CD83: variants seen among roughly 807,000 people sequenced by gnomAD.
The protein encoded by CD83 is CD83 antigen.
Under a neutral mutation model 24.6 loss-of-function variants are expected in CD83, and 22 were observed. That is an observed-to-expected ratio of 0.90 (90% confidence interval 0.64 to 1.28). The LOEUF is 1.28. Ranked by LOEUF, CD83 falls within the 50% of genes most tolerant of loss-of-function variation. The pLI, the probability that CD83 is intolerant of heterozygous loss-of-function variation, is 0.00. For synonymous variants in CD83, 101 were observed against 103.5 expected, an observed-to-expected ratio of 0.98 and a Z score of 0.14; for missense variants, 253 against 252.8, an observed-to-expected ratio of 1.00 and a Z score of -0.01.
intron 2 of CD83, among the ~76,000 whole-genome samples, chr6:14,126,221 C>G (rs1759808015): frequency 1.3e-5 from 2 of 152,118 alleles, no homozygotes; most frequent in African/African-American, 4.8e-5. Flanking sequence ...TCAGTAAATA[C>G]TTTTTCAATA....
rs921221961 is a variant in CD83 at position 14,135,550 on chromosome 6, A to T, written c.*314A>T. On this transcript the variant is annotated 3_prime_UTR_variant, in exon 5 of 5. Coordinates refer to ENST00000379153, the MANE Select transcript of CD83 (RefSeq NM_004233.4). The stretch of plus-strand genomic sequence containing the variant: ...AGCTATGGTGAGATGCAGCTGGAAA[A>T]GGGTCTTGGGAAATATGAATGCCCC... 9.3e-5 allele frequency: 24 copies of T among 259,232 alleles called. No homozygotes were observed. Among genetic ancestry groups the T allele is most frequent in the Non-Finnish European group, 1.8e-4 (24 of 134,562 alleles). 16.1% of individuals were successfully genotyped at this position (259,232 alleles called of 1,614,324 possible).
intron 2 of CD83, among the ~76,000 whole-genome samples, chr6:14,124,812 C>T (rs1233741627): frequency 1.3e-5 from 2 of 152,122 alleles, no homozygotes; most frequent in African/African-American, 2.4e-5. Flanking sequence ...TGTGCCCCCC[C>T]CAAAAGATCA....
intron 2 of CD83, among the ~76,000 whole-genome samples, chr6:14,119,336 A>C (rs1297499844): frequency 6.6e-6 from 1 of 152,236 alleles, no homozygotes; most frequent in African/African-American, 2.4e-5. Flanking sequence ...GGGATCAGAG[A>C]ACACAACAAT....
chr6:14,136,872 C>G lies in CD83; in HGVS notation c.*1636C>G, dbSNP rs1030504515. 6.6e-6 allele frequency: 1 copy of G among 151,782 alleles called. No homozygotes were observed. The highest frequency in any genetic ancestry group is 2.4e-5 in the African/African-American group (1 of 41,272). 9.4% of individuals were successfully genotyped at this position (151,782 alleles called of 1,614,324 possible). ...GAAAGTTAAAAATAAAAAACATATA[C>G]AAATAAAAAAATCCCGACTTTGGGA... On this transcript the variant is annotated 3_prime_UTR_variant, in exon 5 of 5. Coordinates refer to ENST00000379153, the MANE Select transcript of CD83 (RefSeq NM_004233.4).
At chr6:14,120,470 A>G (rs1173003599) in intron 2 of CD83, among the ~76,000 whole-genome samples, 1 of 152,210 alleles carries the variant, frequency 6.6e-6, no homozygotes, top group Non-Finnish European at 1.5e-5. Context: ...GGGTAGCCAC[A>G]AAGGGAGGAA....
rs1759576337 is a variant in CD83, at chr6:14,117,979, G to A, written c.67G>A (p.Val23Met). 6.2e-7 allele frequency: 1 copy of A among 1,610,850 alleles called. No individual in the cohort carries two copies. The highest frequency in any genetic ancestry group is 1.3e-5 in the African/African-American group (1 of 74,930). Residue 23 changes from valine to methionine, a missense_variant, in exon 2 of 5, where the codon GTG (valine) becomes ATG (methionine). Val to Met is a conservative substitution (Grantham distance 21). Coordinates refer to ENST00000379153, the MANE Select transcript of CD83 (RefSeq NM_004233.4). The surrounding 1 kb of genome is among the most constrained non-coding windows in gnomAD (Gnocchi z 4.6). Reference sequence around the variant, plus strand: ...CAGCCTGGCTCCCGCGACGCCGGAGGTGAAGGTGGCTTGCTCCGAAGATGT... The same window carrying A: ...CAGCCTGGCTCCCGCGACGCCGGAGATGAAGGTGGCTTGCTCCGAAGATGT... ...AYSLAPATPE[V>M]KVACSEDVDL...
intron 2 of CD83, among the ~76,000 whole-genome samples, chr6:14,126,932 C>T (rs1243736671): frequency 6.6e-6 from 1 of 150,544 alleles, no homozygotes; most frequent in Non-Finnish European, 1.5e-5. Context: ...AATTTTTATA[C>T]TGTTTTTTTT....
intron 2 of CD83, among the ~76,000 whole-genome samples, chr6:14,121,367 A>G (rs962397910): frequency 6.6e-6 from 1 of 151,710 alleles, no homozygotes; most frequent in Non-Finnish European, 1.5e-5. Flanking sequence ...TGTAGGGACA[A>G]GATTTCAATA....
chr6:14,130,530 G>T (rs995328512), intron 2 of CD83, among the ~76,000 whole-genome samples: 9 of 152,156 alleles, frequency 5.9e-5, no homozygotes, highest in Non-Finnish European at 1.2e-4. Context: ...TTCAAGACCA[G>T]CTTGGGCAAC....
chr6:14,130,997 C>T (rs1757881867), intron 2 of CD83, among the ~76,000 whole-genome samples: 2 of 152,334 alleles, frequency 1.3e-5, no homozygotes, highest in South Asian at 2.1e-4. Flanking sequence ...CCTTGAGGAA[C>T]AAGGTGACTG....
chr6:14,118,080 A>T lies in CD83; in HGVS notation c.153+15A>T, dbSNP rs138051430. On this transcript the variant is annotated intron_variant, in intron 2 of 4. Transcript: ENST00000379153. ...CCTGGGTCAAGGTAGGTGCTGCGATACCCACGGGCTGGGGTTTGGTGGGCT... is the reference window on the plus strand; with the variant it reads ...CCTGGGTCAAGGTAGGTGCTGCGATTCCCACGGGCTGGGGTTTGGTGGGCT... The T allele has an allele frequency of 6.4e-7, 1 of 1,573,638 alleles. No individual in the cohort carries two copies. Among genetic ancestry groups the T allele is most frequent in the Non-Finnish European group, 8.7e-7 (1 of 1,154,316 alleles).
At position 14,131,633 on chromosome 6, in the gene CD83, C is replaced by T. The variant is rs775185257; in HGVS notation, c.267C>T (p.Pro89=). ...NGSFDAPNER[P]YSLKIRNTTS... is the part of the protein sequence containing the mutation. ...CTTTCGACGCCCCCAATGAAAGGCC[C>T]TATTCCCTGAAGATCCGAAACACTA... Residue 89 remains proline, a synonymous_variant, in exon 3 of 5, where the codon CCC becomes CCT. Coordinates refer to ENST00000379153, the MANE Select transcript of CD83 (RefSeq NM_004233.4). 69 of 1,613,994 alleles carry T rather than the reference C, an allele frequency of 4.3e-5. 1 individual carries two copies. Among genetic ancestry groups the T allele is most frequent in the Non-Finnish European group, 5.0e-5 (59 of 1,180,018 alleles).
chr6:14,130,530 G>C (rs995328512), intron 2 of CD83, among the ~76,000 whole-genome samples: 2 of 152,156 alleles, frequency 1.3e-5, no homozygotes, highest in Non-Finnish European at 2.9e-5. Context: ...TTCAAGACCA[G>C]CTTGGGCAAC....
chr6:14,135,070 C>G, intron 4 of CD83, 38 bp from the exon 5 acceptor site: 2 of 1,607,614 alleles, frequency 1.2e-6, no homozygotes, highest in Non-Finnish European at 1.7e-6. Context: ...CTGAATTTTT[C>G]CAATTATTCA....
At position 14,136,142 on chromosome 6, in the gene CD83, A is replaced by G. The variant is rs3734665; in HGVS notation, c.*906A>G. 0.19 allele frequency: 28,198 copies of G among 152,252 alleles called. 3,295 individuals carry two copies. The highest frequency in any genetic ancestry group is 0.48 in the East Asian group (2,496 of 5,166). 9.4% of individuals were successfully genotyped at this position (152,252 alleles called of 1,614,324 possible). On this transcript the variant is annotated 3_prime_UTR_variant, in exon 5 of 5. Transcript: ENST00000379153. ...GTTCCTTCTGGTGTCTGCTTTCTCC[A>G]TTGTAAACCACAAGGCTGTTGCATG...
chr6:14,131,562 G>T lies in CD83; in HGVS notation c.196G>T (p.Asp66Tyr), dbSNP rs758225891. The T allele has an allele frequency of 1.1e-5, 18 of 1,614,032 alleles. No individual in the cohort carries two copies. Among genetic ancestry groups the T allele is most frequent in the Middle Eastern group, 1.6e-4 (1 of 6,084 alleles). ...AGAGAGGATGGAGACACCCCAGGAA[G>T]ACCACCTCAGGGGACAGCACTATCA... is the stretch of plus-strand genomic sequence containing the variant. ...GEERMETPQE[D>Y]HLRGQHYHQK... Residue 66 changes from aspartate (D) to tyrosine (Y), a missense_variant, in exon 3 of 5, where the codon GAC (aspartate) becomes TAC (tyrosine). Asp to Tyr is a radical substitution (Grantham distance 160). Coordinates refer to ENST00000379153, the MANE Select transcript of CD83 (RefSeq NM_004233.4).
intron 3 of CD83, among the ~76,000 whole-genome samples, chr6:14,132,252 C>T (rs529398130): frequency 5.5e-4 from 83 of 152,246 alleles, no homozygotes; most frequent in African/African-American, 1.8e-3. Context: ...TGTCTGTCTC[C>T]CCAAGAGAAC....
At chr6:14,126,970 TC>T (rs1441237422) in intron 2 of CD83, among the ~76,000 whole-genome samples, 1 of 151,962 alleles carries the variant, frequency 6.6e-6, no homozygotes, top group East Asian at 1.9e-4. Context: ...TATTGCACAT[TC>T]CCCCCACCCC....
intron 2 of CD83, 151 bp downstream of exon 2, chr6:14,118,216 C>G (rs1373784723): frequency 1.7e-6 from 1 of 585,518 alleles, no homozygotes; most frequent in Non-Finnish European, 3.0e-6. Context: ...AGCCTCCCGT[C>G]GCGCCTCCCC....
Sources: allele counts gnomAD v4.1 joint callset (sites outside exome capture counted in the v4.1 genomes callset), GRCh38; gene constraint gnomAD v4.1.1; non-coding constraint Gnocchi (gnomAD v3.1); transcripts MANE v1.5; gene names NCBI Gene and HGNC (gene_info 2026-07-23, HGNC 2026-07-21).